Variants in MYH13 observed in about 807,000 individuals in gnomAD.
MYH13 encodes myosin heavy chain 13.
In MYH13, 177 loss-of-function variants were observed where a neutral mutation model predicts 232.1. The observed-to-expected ratio is 0.76, with a 90% CI of 0.67 to 0.86. MYH13 has a LOEUF of 0.86. MYH13 is among the 40% of genes least tolerant of loss of function. MYH13 has a pLI of 0.00. For synonymous variants in MYH13, 884 were observed against 923.5 expected, an observed-to-expected ratio of 0.96 and a Z score of 0.78; for missense variants, 2,246 against 2,405.9, an observed-to-expected ratio of 0.93 and a Z score of 1.39.
intron 18 of MYH13, among the ~76,000 whole-genome samples, chr17:10,339,604 C>G (rs2071605554): frequency 6.6e-6 from 1 of 152,168 alleles, no homozygotes; most frequent in African/African-American, 2.4e-5. Flanking sequence ...GAGCCTTTAT[C>G]TTATGAAAGC....
rs1906206583 is a variant in MYH13, at chr17:10,304,390, C to T, written c.5467-892G>A. 6.6e-6 allele frequency among the ~76,000 whole-genome samples: 1 copy of T among 152,242 alleles called. No individual in the cohort carries two copies. ...ATAAGATGCCCTTACTGGGCAGAGG[C>T]AGCCTCAGGTGCACAGAGCATAGCT... On this transcript the variant is annotated intron_variant, in intron 37 of 40. Transcript: ENST00000252172. The surrounding 1 kb of genome is among the most constrained non-coding windows in gnomAD (Gnocchi z 5.3).
At chr17:10,355,920 A>ATTTTGTGAACAGTCAGTT (rs1414092451) in intron 8 of MYH13, among the ~76,000 whole-genome samples, 46 of 141,180 alleles carry the variant, frequency 3.3e-4, no homozygotes, top group Admixed American at 2.5e-3. Context: ...AGTTTCACAT[A>ATTTTGTGAACAGTCAGTT]TGGCTGACTA....
At chr17:10,317,665 T>C (rs888277515) in intron 27 of MYH13, 1 of 152,250 alleles carries the variant, frequency 6.6e-6, no homozygotes, top group East Asian at 1.9e-4. Flanking sequence ...AGGAATTCTT[T>C]GCTTTGAGGC....
At chr17:10,367,002 A>G (rs2071842936) in intron 2 of MYH13, among the ~76,000 whole-genome samples, 1 of 152,242 alleles carries the variant, frequency 6.6e-6, no homozygotes, top group South Asian at 2.1e-4. Context: ...AGCACCCACA[A>G]ATAAGACTCT....
In MYH13 at chr17:10,303,452, G is replaced by C. The variant is rs770281302; in HGVS notation, c.5513C>G (p.Ala1838Gly). ...NELDVEQKRG[A>G]EALKGAHKYE... ...CTTGTGGGCTCCCTTCAGGGCTTCA[G>C]CTCCCCTCTTCTGTTCCACATCAAG... The change falls in exon 38 of 41, where the codon GCT becomes GGT. Residue 1838 changes from alanine (A) to glycine (G), a missense_variant. Coordinates refer to ENST00000252172, the MANE Select transcript of MYH13 (RefSeq NM_003802.3). 1.2e-6 allele frequency: 2 copies of C among 1,613,850 alleles called. No homozygotes were observed. The highest frequency in any genetic ancestry group is 1.7e-6 in the Non-Finnish European group (2 of 1,179,900).
intron 27 of MYH13, 120 bp from the exon 28 acceptor site, chr17:10,316,145 C>T (rs1906702894): frequency 2.3e-6 from 3 of 1,307,086 alleles, no homozygotes; most frequent in South Asian, 1.5e-5. Flanking sequence ...AAGTACAGAA[C>T]AAAAAAAAGT....
intron 30 of MYH13, 34 bp from the exon 31 acceptor site, chr17:10,312,791 A>G: frequency 3.2e-6 from 5 of 1,586,280 alleles, no homozygotes; most frequent in Non-Finnish European, 4.3e-6. Context: ...TCCCCTTCGC[A>G]AAGGTGGAAT....
chr17:10,311,300 T>G, intron 32 of MYH13, 73 bp from the exon 33 acceptor site: 1 of 1,577,892 alleles, frequency 6.3e-7, no homozygotes, highest in Non-Finnish European at 8.6e-7. Flanking sequence ...GCCAGGCAAT[T>G]CAGGGATGGG....
intron 23 of MYH13, among the ~76,000 whole-genome samples, chr17:10,323,787 A>AAAAAAG (rs1907083494): frequency 3.0e-5 from 2 of 66,706 alleles, no homozygotes; most frequent in Non-Finnish European, 5.5e-5. Flanking sequence ...AAAAAAAAAA[A>AAAAAAG]AAGAAGAAGA....
At chr17:10,340,305 A>G (rs778268298) in intron 17 of MYH13, 23 bp downstream of exon 17, 21 of 1,613,810 alleles carry the variant, frequency 1.3e-5, no homozygotes, top group Non-Finnish European at 1.6e-5. Context: ...ACAAGTGAAT[A>G]TGGAAGCTGC....
At chr17:10,333,728 G>A (rs1907492264) in intron 18 of MYH13, among the ~76,000 whole-genome samples, 2 of 152,166 alleles carry the variant, frequency 1.3e-5, no homozygotes, top group Admixed American at 6.5e-5. Flanking sequence ...CCAACATGGT[G>A]AAACCCAGTC....
intron 11 of MYH13, chr17:10,350,918 C>T: frequency 1.7e-6 from 1 of 576,242 alleles, no homozygotes; most frequent in South Asian, 1.6e-5. Context: ...CTGTTTCCTT[C>T]CATCAAATAA....
intron 21 of MYH13, among the ~76,000 whole-genome samples, chr17:10,329,707 G>A (rs923823080): frequency 6.6e-6 from 1 of 152,186 alleles, no homozygotes; most frequent in African/African-American, 2.4e-5. Context: ...CGTCAGCTGG[G>A]CGCAGTGGCT....
Position 10,306,710 on chromosome 17 carries a change from T to C in MYH13, c.5296-81A>G. ...CTTGCAGAAGAGGCGAAGGCTGGGA[T>C]CATGGTGCTGAGCCTCCCCTGTCTG... On this transcript the variant is annotated intron_variant, in intron 36 of 40. Coordinates refer to ENST00000252172, the MANE Select transcript of MYH13 (RefSeq NM_003802.3). This position sits in a 1 kb window ranked among gnomAD's most constrained non-coding sequence, Gnocchi z 4.3. 6.3e-7 allele frequency: 1 copy of C among 1,583,450 alleles called. No individual in the cohort carries two copies. The highest frequency in any genetic ancestry group is 8.6e-7 in the Non-Finnish European group (1 of 1,166,540).
At chr17:10,332,024 C>T (rs146089080) in intron 20 of MYH13, 75 bp downstream of exon 20, 2 of 1,577,452 alleles carry the variant, frequency 1.3e-6, no homozygotes, top group Admixed American at 3.4e-5. Flanking sequence ...AGAAGGGGAC[C>T]CTTTTTCTGA....
Position 10,357,790 on chromosome 17 carries a change from A to G in MYH13, c.683T>C (p.Leu228Pro). 6.2e-7 allele frequency: 1 copy of G among 1,614,034 alleles called. No individual in the cohort carries two copies. Among genetic ancestry groups the G allele is most frequent in the East Asian group, 2.2e-5 (1 of 44,882 alleles). Residue 228 changes from leucine (L) to proline (P), a missense_variant, in exon 8 of 41, where the codon CTG (leucine) becomes CCG (proline). Leu to Pro is a moderately conservative substitution (Grantham distance 98). Transcript: ENST00000252172. ...LEDQIIQANP[L>P]LEAFGNAKTV... ...CTTGGCATTTCCAAAGGCCTCCAGC[A>G]GTGGGTTGGCCTGGATGATCTGATC...
In MYH13 at chr17:10,309,429, C is replaced by T. The variant is rs866735378; in HGVS notation, c.4974G>A (p.Gln1658=). 2 of 1,602,194 alleles carry T rather than the reference C, an allele frequency of 1.2e-6. No homozygotes were observed. Among genetic ancestry groups the T allele is most frequent in the Non-Finnish European group, 8.5e-7 (1 of 1,173,886 alleles). The change falls in exon 35 of 41, where the codon CAG becomes CAA. Residue 1658 remains glutamine (Q), a synonymous_variant. Coordinates refer to ENST00000252172, the MANE Select transcript of MYH13 (RefSeq NM_003802.3). ...TCCTCAGGGCGTCATCGAGATGCAG[C>T]TGGGAGTCCTGCAGGGGAGACCCAG... ...RTVQGQLKDS[Q]LHLDDALRSN...
intron 16 of MYH13, 22 bp downstream of exon 16, chr17:10,343,778 G>T: frequency 1.9e-6 from 3 of 1,563,128 alleles, no homozygotes; most frequent in Non-Finnish European, 2.6e-6. Flanking sequence ...CCCACAGAGG[G>T]AAAGAAATGA....
Position 10,327,761 on chromosome 17 carries a change from G to A in MYH13, c.2691+105C>T, listed in dbSNP as rs1567662814. 7 of 1,409,424 alleles carry A rather than the reference G, an allele frequency of 5.0e-6. No individual in the cohort carries two copies. In the South Asian group the frequency reaches 5.4e-5, roughly 11 times the overall value. The allele number at this position is 1,409,424 out of a possible 1,614,324, so 87.3% of individuals were successfully genotyped here. ...CAATACTCCACATGACCACTGGGTG[G>A]CACCACTGTCTCTCGAATAGACACC... is the stretch of plus-strand genomic sequence containing the variant. On this transcript the variant is annotated intron_variant, in intron 22 of 40. Coordinates refer to ENST00000252172, the MANE Select transcript of MYH13 (RefSeq NM_003802.3).
Sources: allele counts gnomAD v4.1 joint callset (sites outside exome capture counted in the v4.1 genomes callset), GRCh38; gene constraint gnomAD v4.1.1; non-coding constraint Gnocchi (gnomAD v3.1); transcripts MANE v1.5; gene names NCBI Gene and HGNC (gene_info 2026-07-23, HGNC 2026-07-21).